The following FAM151B variants were observed in gnomAD, a reference collection of about 807,000 sequenced individuals.
The protein encoded by FAM151B is protein FAM151B.
FAM151B carries 24 observed loss-of-function variants against 31.2 expected under a neutral mutation model. That is an observed-to-expected ratio of 0.77 (90% CI 0.56 to 1.08). The LOEUF (loss-of-function observed/expected upper bound fraction) is 1.08. Ranked by LOEUF, FAM151B falls within the 50% of genes least tolerant of loss-of-function variation. The probability of loss-of-function intolerance (pLI) is 0.00; values close to 1 mark genes in which losing one functional copy is unlikely to be tolerated. For missense variants in FAM151B, 293 were observed against 328.6 expected (o/e 0.89, Z 0.84); for synonymous variants, 105 against 111.4 (o/e 0.94, Z 0.36).
At chr5:80,514,476 A>AAATAAT (rs139355800) in intron 3 of FAM151B, among the ~76,000 whole-genome samples, 3,033 of 139,306 alleles carry the variant, frequency 0.022, 64 homozygotes, top group African/African-American at 0.05. Context: ...ACTCCCTCTC[A>AAATAAT]AATAATAATA....
chr5:80,534,562 C>T (rs1446914002), intron 5 of FAM151B, among the ~76,000 whole-genome samples: 5 of 152,044 alleles, frequency 3.3e-5, no homozygotes, highest in Admixed American at 2.6e-4. Context: ...AACATCCCTT[C>T]GTGATAAAAA....
At chr5:80,515,114 A>G (rs574056403) in intron 3 of FAM151B, among the ~76,000 whole-genome samples, 162 of 151,994 alleles carry the variant, frequency 1.1e-3, no homozygotes, top group African/African-American at 3.8e-3. Flanking sequence ...GGTGGTGCGC[A>G]CCTGTAATTC....
rs1743179143 is a variant in FAM151B, at chr5:80,488,167, G to C, written c.25+19G>C. 8 of 1,540,186 alleles carry C rather than the reference G, an allele frequency of 5.2e-6. No individual in the cohort carries two copies. The highest frequency in any genetic ancestry group is 7.0e-6 in the Non-Finnish European group (8 of 1,144,974). ...GGCCCAGGTAAGCGCCGAGCGCGCG[G>C]CCTCTGCCTGGAGGTGGGGCGCTTT... On this transcript the variant is annotated intron_variant, in intron 1 of 5. Coordinates refer to ENST00000282226, the MANE Select transcript of FAM151B (RefSeq NM_205548.3).
chr5:80,502,045 G>T, intron 2 of FAM151B, 128 bp downstream of exon 2: 1 of 491,036 alleles, frequency 2.0e-6, no homozygotes, highest in African/African-American at 2.0e-5. Flanking sequence ...GCTGACATGA[G>T]TATTTTATTT....
chr5:80,511,593 T>G (rs764541422), intron 2 of FAM151B, among the ~76,000 whole-genome samples: 8 of 152,044 alleles, frequency 5.3e-5, no homozygotes, highest in Non-Finnish European at 8.8e-5. Context: ...CCCACTATTT[T>G]ATTATTTATC....
intron 3 of FAM151B, among the ~76,000 whole-genome samples, chr5:80,516,552 T>C (rs1441451888): frequency 1.3e-5 from 2 of 152,208 alleles, no homozygotes; most frequent in Admixed American, 1.3e-4. Context: ...AAAAAATATA[T>C]TCTATAATAA....
chr5:80,495,726 TG>T (rs977513111), intron 1 of FAM151B, among the ~76,000 whole-genome samples: 177 of 147,382 alleles, frequency 1.2e-3, no homozygotes, highest in African/African-American at 4.4e-3. Flanking sequence ...GCCACTCGGG[TG>T]GCTGAGGCAG....
intron 5 of FAM151B, among the ~76,000 whole-genome samples, chr5:80,537,594 C>T (rs1379372372): frequency 1.3e-5 from 2 of 152,124 alleles, no homozygotes; most frequent in Non-Finnish European, 2.9e-5. Flanking sequence ...AACTCCTATT[C>T]TGCAGTTTTA....
At chr5:80,490,815 A>T (rs1233946152) in intron 1 of FAM151B, among the ~76,000 whole-genome samples, 1 of 152,218 alleles carries the variant, frequency 6.6e-6, no homozygotes, top group African/African-American at 2.4e-5. Context: ...TCATTAGTTG[A>T]TGGACATTTG....
rs1488822534 is a variant in FAM151B at position 80,542,118 on chromosome 5, A to T, written c.*286A>T. On this transcript the variant is annotated 3_prime_UTR_variant, in exon 6 of 6. Coordinates refer to ENST00000282226, the MANE Select transcript of FAM151B (RefSeq NM_205548.3). The stretch of plus-strand genomic sequence containing the variant: ...TAAAAATAGTTTTGATAAACTAAAG[A>T]TGATTGGCAGAATCCATATGTCATA... The T allele has an allele frequency of 3.3e-6, 1 of 301,322 alleles. No individual in the cohort carries two copies. The highest frequency in any genetic ancestry group is 7.8e-5 in the East Asian group (1 of 12,766). 18.7% of individuals were successfully genotyped at this position (301,322 alleles called of 1,614,324 possible). A position where few individuals can be genotyped will look rare whatever the true frequency, so the allele number is the denominator to read the frequency against.
rs541503585 is a variant in FAM151B at position 80,540,329 on chromosome 5, G to A, written c.672-1344G>A. Among the ~76,000 whole-genome samples the A allele has an allele frequency of 2.0e-5, 3 of 152,140 alleles. No individual in the cohort carries two copies. The South Asian group carries it at 6.2e-4, about 32-fold the overall frequency. On this transcript the variant is annotated intron_variant, in intron 5 of 5. Transcript: ENST00000282226. ...ACACCAAGCTGCTTCCTCAGCTGCTGGCCATGTTTTATTTATTTGTTTTAT... is the reference window on the plus strand; with the variant it reads ...ACACCAAGCTGCTTCCTCAGCTGCTAGCCATGTTTTATTTATTTGTTTTAT...
rs1301440866 is a variant in FAM151B at position 80,513,776 on chromosome 5, G to A, written c.317+7G>A. 1.6e-5 allele frequency: 26 copies of A among 1,591,414 alleles called. No individual in the cohort carries two copies. Among genetic ancestry groups the A allele is most frequent in the Non-Finnish European group, 2.2e-5 (26 of 1,170,710 alleles). ...TCAAGCTGGATTTCAAAAGGTATTT[G>A]TATAAACACGTTCAATTTTCTGGGA... is the stretch of plus-strand genomic sequence containing the variant. On this transcript the variant is annotated splice_region_variant and intron_variant, in intron 3 of 5. Transcript: ENST00000282226.
Position 80,501,773 on chromosome 5 carries a change from G to T in FAM151B, c.26-19G>T, listed in dbSNP as rs758422441. 2.6e-6 allele frequency: 4 copies of T among 1,559,230 alleles called. No individual in the cohort carries two copies. The South Asian group carries it at 4.8e-5, about 19-fold the overall frequency. ...TATAAAAAACAATATCACTTTTCATGTAAACACTGTTATTTTAGGATCTTG... is the reference window on the plus strand; with the variant it reads ...TATAAAAAACAATATCACTTTTCATTTAAACACTGTTATTTTAGGATCTTG... On this transcript the variant is annotated intron_variant, in intron 1 of 5. Coordinates refer to ENST00000282226, the MANE Select transcript of FAM151B (RefSeq NM_205548.3).
At chr5:80,526,598 C>A (rs148188166) in intron 5 of FAM151B, among the ~76,000 whole-genome samples, 7 of 151,888 alleles carry the variant, frequency 4.6e-5, no homozygotes, top group Non-Finnish European at 4.4e-5. Context: ...CCAGCCTGTG[C>A]GGCTGAACAA....
chr5:80,525,651 A>G (rs2112652865), intron 5 of FAM151B, among the ~76,000 whole-genome samples: 1 of 152,244 alleles, frequency 6.6e-6, no homozygotes, highest in Middle Eastern at 3.4e-3. Flanking sequence ...AACCCTGGGA[A>G]TGTCAGCATG....
At chr5:80,495,792 C>A (rs1561359846) in intron 1 of FAM151B, among the ~76,000 whole-genome samples, 1 of 143,768 alleles carries the variant, frequency 7.0e-6, no homozygotes, top group Non-Finnish European at 1.5e-5. Flanking sequence ...ATGCGCCACA[C>A]TGCACTCCAG....
At chr5:80,540,663 A>G (rs952290704) in intron 5 of FAM151B, among the ~76,000 whole-genome samples, 5 of 152,246 alleles carry the variant, frequency 3.3e-5, no homozygotes, top group Admixed American at 2.0e-4. Context: ...GTGCCCAGAT[A>G]AAGTAATAGA....
Position 80,522,003 on chromosome 5 carries a change from G to A in FAM151B, c.536G>A (p.Gly179Glu). 6.4e-7 allele frequency: 1 copy of A among 1,550,596 alleles called. No homozygotes were observed. ...TTAAATTTTTTTCTTTTCTTTTAAG[G>A]GTACAGTTGGACAATGGTGAAAGAG... ...TGWHPEKVNE[G>E]YSWTMVKEME... Residue 179 changes from glycine (G) to glutamate (E), a missense_variant and splice_region_variant, in exon 5 of 6, where the codon GGG (glycine) becomes GAG (glutamate). By Grantham distance (98) the Gly-to-Glu change is moderately conservative. Transcript: ENST00000282226.
chr5:80,541,744 AT>A lies in FAM151B; in HGVS notation c.747del (p.Phe249LeufsTer51), dbSNP rs753557834. The A allele has an allele frequency of 3.7e-6, 6 of 1,613,622 alleles. No homozygotes were observed. The highest frequency in any genetic ancestry group is 1.7e-5 in the Admixed American group (1 of 59,988). Reference sequence around the variant, plus strand: ...GAAGATTTACTTTACATTAGAGACCATTTTGACAAAAAACAAGTTTTCTATG... The same window carrying A: ...GAAGATTTACTTTACATTAGAGACCATTTGACAAAAAACAAGTTTTCTATG... ...SVEDLLYIRDHFDKKQVFYDI... is the reference protein window; with the variant it reads ...SVEDLLYIRDXFDKKQVFYDI... On this transcript the variant is annotated frameshift_variant, in exon 6 of 6. Coordinates refer to ENST00000282226, the MANE Select transcript of FAM151B (RefSeq NM_205548.3). LOFTEE classifies it high-confidence loss of function.
Sources: allele counts gnomAD v4.1 joint callset (sites outside exome capture counted in the v4.1 genomes callset), GRCh38; gene constraint gnomAD v4.1.1; transcripts MANE v1.5; gene names NCBI Gene and HGNC (gene_info 2026-07-23, HGNC 2026-07-21).